PRKACB: variants seen among roughly 807,000 people sequenced by gnomAD.
The protein encoded by PRKACB is protein kinase cAMP-activated catalytic subunit beta.
PRKACB carries 16 observed loss-of-function variants against 51.4 expected under a neutral mutation model. The ratio of observed to expected loss-of-function variants is 0.31; its 90% CI spans 0.21 to 0.47. The LOEUF is 0.47. PRKACB is among the 20% of genes least tolerant of loss of function. PRKACB has a pLI of 1.00. For synonymous variants in PRKACB, 147 were observed against 154.4 expected, an observed-to-expected ratio of 0.95 and a Z score of 0.35; for missense variants, 309 against 464.5, an observed-to-expected ratio of 0.67 and a Z score of 3.08.
intron 1 of PRKACB, among the ~76,000 whole-genome samples, chr1:84,102,107 G>A (rs1201934315): frequency 1.3e-5 from 2 of 151,686 alleles, no homozygotes; most frequent in Non-Finnish European, 2.9e-5. Flanking sequence ...AATTTTGTGT[G>A]TGCCTGTAAT....
chr1:84,194,447 T>C (rs1289069689), intron 5 of PRKACB, among the ~76,000 whole-genome samples: 1 of 152,206 alleles, frequency 6.6e-6, no homozygotes, highest in Non-Finnish European at 1.5e-5. Flanking sequence ...ATATGAGTTA[T>C]TGTTTAGCAT....
intron 9 of PRKACB, among the ~76,000 whole-genome samples, chr1:84,221,696 G>T (rs140918448): frequency 6.6e-6 from 1 of 151,734 alleles, no homozygotes; most frequent in East Asian, 1.9e-4. Flanking sequence ...ATAGTCATTC[G>T]GGAGCATATT....
intron 9 of PRKACB, among the ~76,000 whole-genome samples, chr1:84,223,906 G>A (rs183686892): frequency 6.6e-6 from 1 of 152,148 alleles, no homozygotes; most frequent in Admixed American, 6.5e-5. Context: ...CATGTTTCTT[G>A]TATACTTACA....
At chr1:84,098,319 T>C (rs1026996995) in intron 1 of PRKACB, among the ~76,000 whole-genome samples, 1 of 152,160 alleles carries the variant, frequency 6.6e-6, no homozygotes, top group African/African-American at 2.4e-5. Flanking sequence ...TATATTTTGA[T>C]GAACACAGCT....
At chr1:84,206,012 G>A (rs1015962935) in intron 8 of PRKACB, among the ~76,000 whole-genome samples, 1 of 152,040 alleles carries the variant, frequency 6.6e-6, no homozygotes, top group Non-Finnish European at 1.5e-5. Context: ...AATCAGTTAT[G>A]GTCTCTATAG....
At chr1:84,145,188 G>T (rs1304685634) in intron 1 of PRKACB, among the ~76,000 whole-genome samples, 1 of 152,074 alleles carries the variant, frequency 6.6e-6, no homozygotes, top group Non-Finnish European at 1.5e-5. Context: ...ATGTTAAAAT[G>T]TTTGAACTTG....
At position 84,228,929 on chromosome 1, in the gene PRKACB, CT is replaced by C. The variant is rs564736739; in HGVS notation, c.1072-6240del. 2.5e-3 allele frequency among the ~76,000 whole-genome samples: 359 copies of C among 145,184 alleles called. 2 individuals carry two copies. The highest frequency in any genetic ancestry group is 6.1e-3 in the African/African-American group (243 of 39,638). ...CAACAGTTAATTATCCCAGAAATTT[CT>C]TTTTTTTTTTATTATTATACTTTAC... On this transcript the variant is annotated intron_variant, in intron 9 of 9. Transcript: ENST00000370685.
At chr1:84,100,932 A>G (rs1649305179) in intron 1 of PRKACB, among the ~76,000 whole-genome samples, 1 of 152,204 alleles carries the variant, frequency 6.6e-6, no homozygotes, top group Admixed American at 6.5e-5. Context: ...CAGTGACTCT[A>G]GAGTGTTGTT....
chr1:84,169,707 A>T (rs1658760508), intron 1 of PRKACB, among the ~76,000 whole-genome samples: 1 of 151,686 alleles, frequency 6.6e-6, no homozygotes, highest in Admixed American at 6.6e-5. Context: ...GTAATCAAAA[A>T]TATGATTCAG....
intron 1 of PRKACB, among the ~76,000 whole-genome samples, chr1:84,169,673 T>C (rs1381303777): frequency 6.6e-6 from 1 of 151,666 alleles, no homozygotes; most frequent in Non-Finnish European, 1.5e-5. Flanking sequence ...ACAGAGCAGA[T>C]ATGATTTATA....
rs113373943 is a variant in PRKACB, at chr1:84,123,599, A to G, written c.46+45228A>G. ...ATGTAATTCATTTAAAATTGGTTTG[A>G]TAAACTTTTTGGAGAGGGATAGAGA... On this transcript the variant is annotated intron_variant, in intron 1 of 8. Transcript: ENST00000370688. Among the ~76,000 whole-genome samples the G allele has an allele frequency of 8.9e-3, 1,362 of 152,282 alleles. 23 individuals carry two copies. Among genetic ancestry groups the G allele is most frequent in the African/African-American group, 0.03 (1,255 of 41,568 alleles).
intron 5 of PRKACB, among the ~76,000 whole-genome samples, chr1:84,191,628 G>C (rs1402441320): frequency 1.3e-5 from 2 of 152,066 alleles, no homozygotes; most frequent in East Asian, 1.9e-4. Context: ...GCTAAACGTT[G>C]AGTGTACGTG....
intron 1 of PRKACB, among the ~76,000 whole-genome samples, chr1:84,160,941 G>C (rs951607257): frequency 6.6e-6 from 1 of 151,838 alleles, no homozygotes; most frequent in Non-Finnish European, 1.5e-5. Flanking sequence ...ATAAGAATGT[G>C]TATTCTGCTG....
At chr1:84,111,138 A>G (rs1380702683) in intron 1 of PRKACB, among the ~76,000 whole-genome samples, 2 of 152,072 alleles carry the variant, frequency 1.3e-5, no homozygotes, top group Non-Finnish European at 2.9e-5. Flanking sequence ...TGCATATAAG[A>G]TAAAATCTAT....
intron 1 of PRKACB, among the ~76,000 whole-genome samples, chr1:84,134,254 G>C (rs1309448816): frequency 6.6e-6 from 1 of 152,134 alleles, no homozygotes; most frequent in Admixed American, 6.5e-5. Flanking sequence ...CAGGCCATGG[G>C]TGGTTTTGGA....
At chr1:84,198,977 A>G (rs1669058695) in intron 7 of PRKACB, among the ~76,000 whole-genome samples, 1 of 146,772 alleles carries the variant, frequency 6.8e-6, no homozygotes, top group Non-Finnish European at 1.5e-5. Context: ...GTGTATACGC[A>G]TATATGTATA....
chr1:84,168,192 A>C (rs1658156756), intron 1 of PRKACB, among the ~76,000 whole-genome samples: 1 of 151,604 alleles, frequency 6.6e-6, no homozygotes, highest in Admixed American at 6.6e-5. Flanking sequence ...TGTTCCAAAG[A>C]GTAGAATTGA....
chr1:84,184,913 T>C (rs41301146), intron 4 of PRKACB, among the ~76,000 whole-genome samples, 187 bp from the exon 5 acceptor site: 1,705 of 151,976 alleles, frequency 0.011, 42 homozygotes, highest in African/African-American at 0.039. Flanking sequence ...GTGGCAAAAA[T>C]AACTAGGAGG....
At chr1:84,208,748 G>T (rs1671714699) in intron 8 of PRKACB, among the ~76,000 whole-genome samples, 1 of 152,152 alleles carries the variant, frequency 6.6e-6, no homozygotes, top group South Asian at 2.1e-4. Flanking sequence ...CAGAATACTA[G>T]GCATAATACA....
Sources: allele counts gnomAD v4.1 joint callset (sites outside exome capture counted in the v4.1 genomes callset), GRCh38; gene constraint gnomAD v4.1.1; transcripts MANE v1.5; gene names NCBI Gene and HGNC (gene_info 2026-07-23, HGNC 2026-07-21).